The following C1QB variants were observed in gnomAD, a reference collection of about 807,000 sequenced individuals.
The protein encoded by C1QB is complement C1q B chain.
Under a neutral mutation model 4.6 loss-of-function variants are expected in C1QB, and 2 were observed. The observed-to-expected ratio is 0.43, with a 90% confidence interval of 0.18 to 1.36. The LOEUF is 1.36. Ranked by LOEUF, C1QB falls within the 40% of genes most tolerant of loss-of-function variation. The pLI is 0.28. For synonymous variants in C1QB, 132 were observed against 137.1 expected, an observed-to-expected ratio of 0.96 and a Z score of 0.26; for missense variants, 292 against 338.0, an observed-to-expected ratio of 0.86 and a Z score of 1.07.
chr1:22,660,763 CCTT>C (rs1557612732), intron 2 of C1QB, 46 bp from the exon 3 acceptor site: 1 of 1,594,770 alleles, frequency 6.3e-7, no homozygotes. Context: ...GCGCAGGCCT[CCTT>C]CTTTTGGTCT....
chr1:22,656,657 C>T (rs1389835209), intron 1 of C1QB, among the ~76,000 whole-genome samples: 1 of 152,156 alleles, frequency 6.6e-6, no homozygotes, highest in Non-Finnish European at 1.5e-5. Context: ...TTTCTCCCCA[C>T]ACACCAAGCA....
intron 1 of C1QB, among the ~76,000 whole-genome samples, chr1:22,655,313 C>T (rs1324744979): frequency 6.6e-6 from 1 of 152,228 alleles, no homozygotes. Flanking sequence ...CTAAAGCTGT[C>T]ACCAGCATTC....
At chr1:22,659,766 C>A in intron 2 of C1QB, 123 bp downstream of exon 2, 2 of 1,160,376 alleles carry the variant, frequency 1.7e-6, no homozygotes, top group Non-Finnish European at 2.5e-6. Context: ...GCTTGCTGAA[C>A]CCTTGCAGTA....
chr1:22,654,533 T>G (rs13374379), intron 1 of C1QB, among the ~76,000 whole-genome samples: 170 of 152,216 alleles, frequency 1.1e-3, no homozygotes, highest in African/African-American at 3.9e-3. Context: ...ATGACAGTGA[T>G]AATAATAAAA....
intron 2 of C1QB, among the ~76,000 whole-genome samples, chr1:22,660,063 C>T (rs986944294): frequency 6.6e-6 from 1 of 152,158 alleles, no homozygotes; most frequent in African/African-American, 2.4e-5. Flanking sequence ...AAATGAGACT[C>T]CCAGCCTTGA....
chr1:22,659,373 T>C, intron 1 of C1QB, 67 bp from the exon 2 acceptor site: 1 of 1,376,908 alleles, frequency 7.3e-7, no homozygotes, highest in Non-Finnish European at 1.0e-6. Flanking sequence ...GATGGATGGA[T>C]GGATGGATGG....
chr1:22,656,726 T>A (rs1642536034), intron 1 of C1QB, among the ~76,000 whole-genome samples: 2 of 152,098 alleles, frequency 1.3e-5, no homozygotes, highest in South Asian at 4.1e-4. Flanking sequence ...AGGAATAGCA[T>A]CAGACCCCAC....
Position 22,659,442 on chromosome 1 carries a change from G to A in C1QB, c.-21G>A. On this transcript the variant is annotated splice_region_variant and 5_prime_UTR_variant, in exon 2 of 3. Coordinates refer to ENST00000509305, the MANE Select transcript of C1QB (RefSeq NM_001378156.1). ...CTCTCACATTGTCTTCTCCACAGGA[G>A]GCGTCTGACACAGTATGATGATGAA... 6.2e-7 allele frequency: 1 copy of A among 1,613,818 alleles called. No homozygotes were observed. The highest frequency in any genetic ancestry group is 8.5e-7 in the Non-Finnish European group (1 of 1,179,948).
intron 1 of C1QB, among the ~76,000 whole-genome samples, chr1:22,655,330 C>G (rs1377292755): frequency 1.3e-5 from 2 of 152,214 alleles, no homozygotes; most frequent in African/African-American, 4.8e-5. Context: ...ATTCCCTGGC[C>G]ACACTCATCT....
Position 22,661,568 on chromosome 1 carries a change from C to A in C1QB, c.*182C>A. 2 of 670,696 alleles carry A rather than the reference C, an allele frequency of 3.0e-6. No individual in the cohort carries two copies. Among genetic ancestry groups the A allele is most frequent in the Non-Finnish European group, 5.2e-6 (2 of 387,512 alleles). 41.5% of individuals were successfully genotyped at this position (670,696 alleles called of 1,614,324 possible). A position where few individuals can be genotyped will look rare whatever the true frequency, so the allele number is the denominator to read the frequency against. ...TCTAATTCAACTCTGTGTCCCAGCA[C>A]CTGGCACACCAGAAGTGCCATGCTC... On this transcript the variant is annotated 3_prime_UTR_variant, in exon 3 of 3. Transcript: ENST00000509305.
At chr1:22,660,245 C>T (rs629409) in intron 2 of C1QB, among the ~76,000 whole-genome samples, 36,201 of 152,066 alleles carry the variant, frequency 0.24, 5,325 homozygotes, top group African/African-American at 0.41. Context: ...GTGACTCAGT[C>T]AAGGTGACAC....
chr1:22,659,246 AGAGAGATG>A, intron 1 of C1QB, among the ~76,000 whole-genome samples, 186 bp from the exon 2 acceptor site: 1 of 143,108 alleles, frequency 7.0e-6, no homozygotes, highest in African/African-American at 2.8e-5. Flanking sequence ...ATGGAGGGAT[AGAGAGATG>A]GATGGATGGA....
At chr1:22,657,782 A>G (rs1642549537) in intron 1 of C1QB, among the ~76,000 whole-genome samples, 1 of 152,220 alleles carries the variant, frequency 6.6e-6, no homozygotes, top group East Asian at 1.9e-4. Flanking sequence ...GCTGAGGGTT[A>G]AACTAGATGA....
intron 1 of C1QB, 86 bp from the exon 2 acceptor site, chr1:22,659,346 AGATGGATG>A (rs140338008): frequency 0.016 from 13,380 of 850,740 alleles, 348 homozygotes; most frequent in African/African-American, 0.1. Context: ...AGGAATAGAG[AGATGGATG>A]GATGGATGGA....
chr1:22,657,997 C>T (rs964162764), intron 1 of C1QB, among the ~76,000 whole-genome samples: 1 of 152,168 alleles, frequency 6.6e-6, no homozygotes, highest in Non-Finnish European at 1.5e-5. Context: ...TCATTCCTTC[C>T]TGTATGACTC....
intron 1 of C1QB, 90 bp from the exon 2 acceptor site, chr1:22,659,346 AGATG>A (rs140338008): frequency 0.41 from 354,288 of 856,104 alleles, 78,925 homozygotes; most frequent in Admixed American, 0.63. Flanking sequence ...AGGAATAGAG[AGATG>A]GATGGATGGA....
intron 1 of C1QB, among the ~76,000 whole-genome samples, chr1:22,658,980 T>TGGAG (rs1642571380): frequency 8.2e-6 from 1 of 122,256 alleles, no homozygotes; most frequent in Admixed American, 8.6e-5. Flanking sequence ...GATGCAGGGA[T>TGGAG]GGACAGAGGG....
chr1:22,661,173 C>T lies in C1QB; in HGVS notation c.543C>T (p.Asn181=), dbSNP rs149612866. ...HASSRGNLCV[N]LMRGRERAQK... ...GCTCTCGAGGGAACCTGTGCGTGAA[C>T]CTCATGCGTGGCCGGGAGCGTGCAC... Residue 181 remains asparagine, a synonymous_variant, in exon 3 of 3, where the codon AAC becomes AAT. Coordinates refer to ENST00000509305, the MANE Select transcript of C1QB (RefSeq NM_001378156.1). 2.5e-3 allele frequency: 4,078 copies of T among 1,614,142 alleles called. 8 individuals are homozygous for T. Among genetic ancestry groups the T allele is most frequent in the Admixed American group, 2.5e-3 (153 of 60,030 alleles).
chr1:22,657,670 G>C (rs1642548778), intron 1 of C1QB, among the ~76,000 whole-genome samples: 1 of 152,190 alleles, frequency 6.6e-6, no homozygotes. Context: ...ATGGAAGTGA[G>C]GGTTGCACAA....
Sources: allele counts gnomAD v4.1 joint callset (sites outside exome capture counted in the v4.1 genomes callset), GRCh38; gene constraint gnomAD v4.1.1; transcripts MANE v1.5; gene names NCBI Gene and HGNC (gene_info 2026-07-23, HGNC 2026-07-21).